Variants in GABRB2 observed in about 807,000 individuals in gnomAD.
GABRB2 encodes gamma-aminobutyric acid receptor subunit beta-2.
Under a neutral mutation model 54.7 loss-of-function variants are expected in GABRB2, and 16 were observed. That is an observed-to-expected ratio of 0.29 (90% CI 0.20 to 0.44). The LOEUF (loss-of-function observed/expected upper bound fraction) is 0.44, where lower values mean the gene tolerates loss of function less well. GABRB2 is among the 20% of genes least tolerant of loss of function. The pLI is 1.00. For synonymous variants in GABRB2, 244 were observed against 233.8 expected (o/e 1.04, Z -0.40); for missense variants, 355 against 644.0 (o/e 0.55, Z 4.86).
At chr5:161,410,287 C>T (rs1032451468) in intron 5 of GABRB2, among the ~76,000 whole-genome samples, 1 of 151,968 alleles carries the variant, frequency 6.6e-6, no homozygotes, top group Non-Finnish European at 1.5e-5. Flanking sequence ...CCATTTTAGC[C>T]CACCCAATAG....
At position 161,292,751 on chromosome 5, in the gene GABRB2, ACTCT is replaced by A. The variant is rs956606964; in HGVS notation, c.*1326_*1329del. The A allele has an allele frequency of 5.3e-5, 8 of 152,122 alleles. No homozygotes were observed. The highest frequency in any genetic ancestry group is 7.4e-5 in the Non-Finnish European group (5 of 68,008). 9.4% of individuals were successfully genotyped at this position (152,122 alleles called of 1,614,324 possible). Reference sequence around the variant, plus strand: ...CCCAAACCAATGAATGCACAAATTAACTCTCTGTGTGTTCATACTCCTTGAAGTA... The same window carrying A: ...CCCAAACCAATGAATGCACAAATTAACTGTGTGTTCATACTCCTTGAAGTA... On this transcript the variant is annotated 3_prime_UTR_variant, in exon 10 of 10. Coordinates refer to ENST00000393959, the MANE Select transcript of GABRB2 (RefSeq NM_001371727.1).
At chr5:161,411,806 T>C (rs1056066318) in intron 4 of GABRB2, among the ~76,000 whole-genome samples, 1 of 151,666 alleles carries the variant, frequency 6.6e-6, no homozygotes, top group Non-Finnish European at 1.5e-5. Context: ...AATATATACA[T>C]TTAGAGTTTA....
chr5:161,331,666 T>C (rs892059063), intron 7 of GABRB2, among the ~76,000 whole-genome samples: 28 of 152,028 alleles, frequency 1.8e-4, no homozygotes, highest in Non-Finnish European at 3.4e-4. Flanking sequence ...AAAATCATTG[T>C]GGGTACATTG....
At chr5:161,425,937 G>T (rs993937777) in intron 4 of GABRB2, among the ~76,000 whole-genome samples, 5 of 151,948 alleles carry the variant, frequency 3.3e-5, no homozygotes, top group African/African-American at 1.2e-4. Context: ...CTTCATAAAG[G>T]GTAACTTGGA....
intron 4 of GABRB2, among the ~76,000 whole-genome samples, chr5:161,413,334 A>G (rs967001365): frequency 1.3e-5 from 2 of 152,100 alleles, no homozygotes; most frequent in Non-Finnish European, 2.9e-5. Context: ...TTTTAACAAT[A>G]GATACATTTT....
chr5:161,477,187 A>G (rs1758617122), intron 3 of GABRB2, among the ~76,000 whole-genome samples: 1 of 151,644 alleles, frequency 6.6e-6, no homozygotes, highest in South Asian at 2.1e-4. Flanking sequence ...ATATTCTGAA[A>G]ATCACTAATC....
intron 9 of GABRB2, among the ~76,000 whole-genome samples, chr5:161,308,282 A>G: frequency 6.6e-6 from 1 of 152,184 alleles, no homozygotes; most frequent in Non-Finnish European, 1.5e-5. Flanking sequence ...GATTGTTTTA[A>G]GTCAGTCTTG....
intron 3 of GABRB2, among the ~76,000 whole-genome samples, chr5:161,466,129 T>C (rs1758268971): frequency 6.6e-6 from 1 of 152,078 alleles, no homozygotes; most frequent in Non-Finnish European, 1.5e-5. Context: ...TTGCTTGGTG[T>C]GTGCTTATGA....
intron 6 of GABRB2, among the ~76,000 whole-genome samples, chr5:161,335,432 A>T (rs1357720721): frequency 6.6e-6 from 1 of 152,080 alleles, no homozygotes. Flanking sequence ...TTGGAGTTCT[A>T]AAAGTATACC....
intron 3 of GABRB2, among the ~76,000 whole-genome samples, chr5:161,509,400 T>C (rs762541623): frequency 1.3e-5 from 2 of 151,970 alleles, no homozygotes; most frequent in Non-Finnish European, 2.9e-5. Context: ...ATTGGGAGCA[T>C]GCAGTTTCCT....
At chr5:161,305,001 A>AT (rs544511446) in intron 9 of GABRB2, among the ~76,000 whole-genome samples, 5,867 of 95,138 alleles carry the variant, frequency 0.062, 702 homozygotes, top group Non-Finnish European at 0.087. Context: ...TGATATATCA[A>AT]TTTTTTTTTT....
At chr5:161,498,997 C>T (rs767244266) in intron 3 of GABRB2, among the ~76,000 whole-genome samples, 4 of 152,126 alleles carry the variant, frequency 2.6e-5, no homozygotes, top group African/African-American at 7.2e-5. Flanking sequence ...CTCACATCCT[C>T]GAATGTTTAC....
At chr5:161,335,658 C>G (rs779664595) in intron 6 of GABRB2, among the ~76,000 whole-genome samples, 3 of 152,028 alleles carry the variant, frequency 2.0e-5, no homozygotes, top group Non-Finnish European at 4.4e-5. Context: ...GGAAGAAAGC[C>G]TTGTTTAGTT....
At chr5:161,415,921 G>GTTTTTGT (rs764494166) in intron 4 of GABRB2, among the ~76,000 whole-genome samples, 2 of 51,374 alleles carry the variant, frequency 3.9e-5, no homozygotes, top group East Asian at 1.8e-3. Flanking sequence ...CCCCAAGTTT[G>GTTTTTGT]TTTTTGTTTT....
Position 161,293,833 on chromosome 5 carries a change from T to C in GABRB2, c.*248A>G. 2.1e-6 allele frequency: 1 copy of C among 487,490 alleles called. No homozygotes were observed. Among genetic ancestry groups the C allele is most frequent in the Non-Finnish European group, 3.7e-6 (1 of 270,996 alleles). The allele number at this position is 487,490 out of a possible 1,614,324, so 30.2% of individuals were successfully genotyped here. On this transcript the variant is annotated 3_prime_UTR_variant, in exon 10 of 10. Transcript: ENST00000393959. The stretch of plus-strand genomic sequence containing the variant: ...ATACTAAACAGACAACATGGAGCAC[T>C]CAGGCTGTCTAGCCACCATGTGTAA...
chr5:161,472,048 C>T (rs989701066), intron 3 of GABRB2, among the ~76,000 whole-genome samples: 6 of 151,910 alleles, frequency 3.9e-5, no homozygotes, highest in African/African-American at 7.2e-5. Flanking sequence ...CACCATGTTT[C>T]ATAAAACAAG....
chr5:161,500,285 G>A (rs1759391463), intron 3 of GABRB2, among the ~76,000 whole-genome samples: 1 of 151,996 alleles, frequency 6.6e-6, no homozygotes, highest in Non-Finnish European at 1.5e-5. Context: ...TTGGTTGGTT[G>A]GTTGGCTTTT....
rs555110513 is a variant in GABRB2, at chr5:161,319,329, G to T, written c.1191+7039C>A. On this transcript the variant is annotated intron_variant, in intron 9 of 9. Transcript: ENST00000393959. ...TAAGAGATTTTAAATTTATAACCAA[G>T]AATGAATATTAAATTTTTGTTAATT... Among the ~76,000 whole-genome samples, 18 of 148,952 alleles carry T rather than the reference G, an allele frequency of 1.2e-4. No individual in the cohort carries two copies. The South Asian group carries it at 3.2e-3, about 26-fold the overall frequency.
At chr5:161,297,534 TTGGTTTTCTGTTCC>T (rs1300699179) in intron 9 of GABRB2, among the ~76,000 whole-genome samples, 1 of 152,156 alleles carries the variant, frequency 6.6e-6, no homozygotes, top group Non-Finnish European at 1.5e-5. Context: ...CATGTAGTGT[TTGGTTTTCTGTTCC>T]TATCTTAATT....
Sources: allele counts gnomAD v4.1 joint callset (sites outside exome capture counted in the v4.1 genomes callset), GRCh38; gene constraint gnomAD v4.1.1; transcripts MANE v1.5; gene names NCBI Gene and HGNC (gene_info 2026-07-23, HGNC 2026-07-21).